Variants in RBM20 observed in about 807,000 individuals in gnomAD.
RBM20 encodes RNA binding motif protein 20, also known as RNA-binding protein 20.
RBM20 carries 51 observed loss-of-function variants against 110.1 expected under a neutral mutation model. That is an observed-to-expected ratio of 0.46 (90% CI 0.37 to 0.59). The LOEUF is 0.59. RBM20 is among the 20% of genes least tolerant of loss of function. The pLI, the probability that RBM20 is intolerant of heterozygous loss-of-function variation, is 0.00. For missense variants in RBM20, 1,512 were observed against 1,574.9 expected, an observed-to-expected ratio of 0.96 and a Z score of 0.68; for synonymous variants, 589 against 618.2, an observed-to-expected ratio of 0.95 and a Z score of 0.70.
intron 5 of RBM20, among the ~76,000 whole-genome samples, chr10:110,797,072 A>C (rs1185252833): frequency 1.3e-5 from 2 of 152,180 alleles, no homozygotes; most frequent in Non-Finnish European, 2.9e-5. Context: ...TCAACCTCCC[A>C]CTAGCAACAT....
intron 1 of RBM20, among the ~76,000 whole-genome samples, chr10:110,733,944 CCTGT>C (rs1326042374): frequency 2.0e-5 from 3 of 152,174 alleles, no homozygotes; most frequent in African/African-American, 7.2e-5. Context: ...TTTAATCATG[CCTGT>C]CTTTTTCTTA....
At chr10:110,724,298 C>T (rs1247911109) in intron 1 of RBM20, among the ~76,000 whole-genome samples, 1 of 152,198 alleles carries the variant, frequency 6.6e-6, no homozygotes, top group Non-Finnish European at 1.5e-5. Context: ...CACCAGACTA[C>T]CTGTAAAACA....
chr10:110,673,202 T>C (rs889855295), intron 1 of RBM20, among the ~76,000 whole-genome samples: 3 of 152,100 alleles, frequency 2.0e-5, no homozygotes, highest in Non-Finnish European at 2.9e-5. Flanking sequence ...CTTTCTTTTT[T>C]CTTTTTTCTT....
At chr10:110,675,843 C>G in intron 1 of RBM20, among the ~76,000 whole-genome samples, 1 of 152,130 alleles carries the variant, frequency 6.6e-6, no homozygotes, top group Non-Finnish European at 1.5e-5. Flanking sequence ...TTGTTGGGAG[C>G]ATTAAATGTG....
chr10:110,776,403 A>G (rs574638621), intron 1 of RBM20, among the ~76,000 whole-genome samples: 1 of 152,356 alleles, frequency 6.6e-6, no homozygotes, highest in East Asian at 1.9e-4. Flanking sequence ...GGAGGCCATA[A>G]GTCCAAAACC....
chr10:110,700,302 G>A (rs1862738533), intron 1 of RBM20, among the ~76,000 whole-genome samples: 1 of 152,100 alleles, frequency 6.6e-6, no homozygotes, highest in South Asian at 2.1e-4. Flanking sequence ...TTTTCACTTG[G>A]GCGCTTCAGA....
At position 110,821,740 on chromosome 10, in the gene RBM20, C is replaced by T; in HGVS notation, c.3121C>T (p.Pro1041Ser). 6.4e-7 allele frequency: 1 copy of T among 1,551,752 alleles called. No homozygotes were observed. The highest frequency in any genetic ancestry group is 8.7e-7 in the Non-Finnish European group (1 of 1,147,004). The change falls in exon 11 of 14, where the codon CCT (proline) becomes TCT (serine). Residue 1041 changes from proline to serine, a missense_variant. Pro to Ser is a moderately conservative substitution (Grantham distance 74, BLOSUM62 -1). Transcript: ENST00000369519. ...GGAGAGCTCAGATGTTCATCCAGCC[C>T]CTACAGTCCAGCAAATGTCTTCCCC... ...GVESSDVHPAPTVQQMSSPKP... is the reference protein window; with the variant it reads ...GVESSDVHPASTVQQMSSPKP...
chr10:110,654,614 C>T (rs1405262513), intron 1 of RBM20, among the ~76,000 whole-genome samples: 2 of 151,674 alleles, frequency 1.3e-5, no homozygotes, highest in African/African-American at 4.9e-5. Flanking sequence ...CTGGGTGAGT[C>T]TTGGGGCTGG....
chr10:110,722,806 G>A lies in RBM20; in HGVS notation c.192-57995G>A, dbSNP rs931346997. Among the ~76,000 whole-genome samples the A allele has an allele frequency of 2.6e-4, 39 of 152,022 alleles. 1 individual carries two copies. Among genetic ancestry groups the A allele is most frequent in the South Asian group, 4.1e-4 (2 of 4,824 alleles). On this transcript the variant is annotated intron_variant, in intron 1 of 13. Coordinates refer to ENST00000369519, the MANE Select transcript of RBM20 (RefSeq NM_001134363.3). The stretch of plus-strand genomic sequence containing the variant: ...GCTCTAGGGCTAGGACATATACTGG[G>A]GACTTCATATGATTCTCCCAGTGGG...
chr10:110,781,091 G>T lies in RBM20; in HGVS notation c.482G>T (p.Ser161Ile). The stretch of plus-strand genomic sequence containing the variant: ...CCCCAACATGCTGCAGCCATACCCA[G>T]TACCCGGTTTCCCTCTAATGCAATT... ...GVPQHAAAIP[S>I]TRFPSNAIAF... Residue 161 changes from serine to isoleucine, a missense_variant, in exon 2 of 14, where the codon AGT becomes ATT. This residue lies in a region of RBM20 where 1,149 missense variants were observed against 1,169.4 expected (regional missense o/e 0.98). Transcript: ENST00000369519. The T allele has an allele frequency of 6.4e-7, 1 of 1,551,960 alleles. No homozygotes were observed. The highest frequency in any genetic ancestry group is 2.4e-5 in the East Asian group (1 of 40,916).
chr10:110,820,260 G>T, intron 10 of RBM20, 84 bp downstream of exon 10: 1 of 886,330 alleles, frequency 1.1e-6, no homozygotes, highest in Non-Finnish European at 1.8e-6. Context: ...TGTCCTGCTG[G>T]ATGGAATATG....
chr10:110,663,859 T>C (rs1314384417), intron 1 of RBM20, among the ~76,000 whole-genome samples: 1 of 152,196 alleles, frequency 6.6e-6, no homozygotes, highest in Non-Finnish European at 1.5e-5. Context: ...AAAATGTTGA[T>C]AGAACTGTAC....
chr10:110,818,053 G>A (rs1032356083), intron 9 of RBM20, among the ~76,000 whole-genome samples: 1 of 152,088 alleles, frequency 6.6e-6, no homozygotes, highest in East Asian at 1.9e-4. Context: ...GCTGAGGCAG[G>A]CAGATCGCTT....
Position 110,812,863 on chromosome 10 carries a change from G to C in RBM20, c.2466G>C (p.Gln822His), listed in dbSNP as rs1844793121. 1.3e-6 allele frequency: 2 copies of C among 1,487,632 alleles called. No individual in the cohort carries two copies. Among genetic ancestry groups the C allele is most frequent in the Non-Finnish European group, 1.8e-6 (2 of 1,120,576 alleles). 92.2% of individuals were successfully genotyped at this position (1,487,632 alleles called of 1,614,324 possible). A position where few individuals can be genotyped will look rare whatever the true frequency, so the allele number is the denominator to read the frequency against. The change falls in exon 9 of 14, where the codon CAG becomes CAC. Residue 822 changes from glutamine to histidine, a missense_variant. Gln to His is a conservative substitution (Grantham distance 24). This residue lies in a region of RBM20 where 1,149 missense variants were observed against 1,169.4 expected (regional missense o/e 0.98). Transcript: ENST00000369519. Reference protein sequence around the residue: ...TRAPEGAKAKQNEKNKTKRTD... With the variant: ...TRAPEGAKAKHNEKNKTKRTD... ...CCCCTGAGGGCGCCAAGGCCAAGCAGAATGAGAAAAATAAAACCAAGAGAA... is the reference window on the plus strand; with the variant it reads ...CCCCTGAGGGCGCCAAGGCCAAGCACAATGAGAAAAATAAAACCAAGAGAA...
chr10:110,729,084 C>T (rs1008315092), intron 1 of RBM20, among the ~76,000 whole-genome samples: 1 of 152,032 alleles, frequency 6.6e-6, no homozygotes, highest in Non-Finnish European at 1.5e-5. Context: ...TTGCTGCAAC[C>T]ATGACAGCAA....
At chr10:110,746,546 A>T (rs1167440059) in intron 1 of RBM20, among the ~76,000 whole-genome samples, 1 of 152,212 alleles carries the variant, frequency 6.6e-6, no homozygotes, top group Non-Finnish European at 1.5e-5. Flanking sequence ...TGACCACCAG[A>T]TGGTGGCATT....
chr10:110,699,473 T>G lies in RBM20; in HGVS notation c.191+54828T>G, dbSNP rs146265637. 8.6e-3 allele frequency among the ~76,000 whole-genome samples: 1,310 copies of G among 152,130 alleles called. 39 individuals carry two copies. Among genetic ancestry groups the G allele is most frequent in the Admixed American group, 0.056 (853 of 15,290 alleles). ...TTTTAGTAGAGATGGGGTTTCACCA[T>G]GTTGGTCAAGCTAGTTTTGAACTCC... On this transcript the variant is annotated intron_variant, in intron 1 of 13. Transcript: ENST00000369519.
intron 11 of RBM20, 60 bp from the exon 12 acceptor site, chr10:110,823,420 A>G (rs1017580704): frequency 2.0e-5 from 29 of 1,473,962 alleles, no homozygotes; most frequent in Admixed American, 2.6e-5. Context: ...TCTTTGAGGC[A>G]TGTTGTATTT....
At chr10:110,651,840 G>C (rs551772925) in intron 1 of RBM20, among the ~76,000 whole-genome samples, 1 of 152,326 alleles carries the variant, frequency 6.6e-6, no homozygotes, top group South Asian at 2.1e-4. Flanking sequence ...TGTTTCCAGA[G>C]CCAGGATGTG....
Sources: allele counts gnomAD v4.1 joint callset (sites outside exome capture counted in the v4.1 genomes callset), GRCh38; gene constraint gnomAD v4.1.1; regional missense constraint gnomAD v4.1.1; transcripts MANE v1.5; gene names NCBI Gene and HGNC (gene_info 2026-07-23, HGNC 2026-07-21).